The following ZNF17 variants were observed in gnomAD, a reference collection of about 807,000 sequenced individuals.
ZNF17 encodes zinc finger protein 17, also known as zinc finger protein 17 (HPF3, KOX 10).
In ZNF17, 4 loss-of-function variants were observed where a neutral mutation model predicts 7.7. That is an observed-to-expected ratio of 0.52 (90% CI 0.26 to 1.20). The LOEUF is 1.20. Ranked by LOEUF, ZNF17 falls within the 50% of genes most tolerant of loss-of-function variation. The probability of loss-of-function intolerance (pLI) is 0.14; values close to 1 mark genes in which losing one functional copy is unlikely to be tolerated. For synonymous variants in ZNF17, 249 were observed against 258.8 expected, an observed-to-expected ratio of 0.96 and a Z score of 0.36; for missense variants, 738 against 799.5, an observed-to-expected ratio of 0.92 and a Z score of 0.93.
At chr19:57,416,761 G>A (rs764476338) in intron 2 of ZNF17, among the ~76,000 whole-genome samples, 39 of 152,146 alleles carry the variant, frequency 2.6e-4, no homozygotes, top group Admixed American at 6.5e-4. Flanking sequence ...ACCTGCCTCA[G>A]CCTCCCAAAG....
intron 3 of ZNF17, among the ~76,000 whole-genome samples, chr19:57,418,307 G>A (rs1448265918): frequency 6.6e-6 from 1 of 152,108 alleles, no homozygotes; most frequent in African/African-American, 2.4e-5. Context: ...GCCTGTCCCT[G>A]GTTAGTTTAC....
chr19:57,421,437 C>A lies in ZNF17; in HGVS notation c.1951C>A (p.Gln651Lys), dbSNP rs1344212107. 1 of 1,612,292 alleles carries A rather than the reference C, an allele frequency of 6.2e-7. No homozygotes were observed. The highest frequency in any genetic ancestry group is 8.5e-7 in the Non-Finnish European group (1 of 1,179,192). Reference sequence around the variant, plus strand: ...CAGTGAATGTGGAAGAGTCTTTAACCAAAATTCTCATCTCATTCAGCACCA... The same window carrying A: ...CAGTGAATGTGGAAGAGTCTTTAACAAAAATTCTCATCTCATTCAGCACCA... ...QCSECGRVFN[Q>K]NSHLIQHQKV... The change falls in exon 4 of 4, where the codon CAA becomes AAA. Residue 651 changes from glutamine (Q) to lysine (K), a missense_variant. Gln to Lys is a moderately conservative substitution (Grantham distance 53). Around this residue, in one of 3 missense-constraint regions of ZNF17, gnomAD observed 116 missense variants for 114.0 expected, o/e 1.02. Coordinates refer to ENST00000307658, the MANE Select transcript of ZNF17 (RefSeq NM_001330617.2).
chr19:57,418,567 C>T (rs753751895), intron 3 of ZNF17, among the ~76,000 whole-genome samples: 5 of 152,164 alleles, frequency 3.3e-5, no homozygotes, highest in Non-Finnish European at 5.9e-5. Context: ...GCTTGGCTAA[C>T]GCCACACCTA....
In ZNF17 at chr19:57,421,110, A is replaced by T. The variant is rs769843295; in HGVS notation, c.1624A>T (p.Asn542Tyr). ...ECGKFFRHNSNHIRHRRNHFG... is the reference protein window; with the variant it reads ...ECGKFFRHNSYHIRHRRNHFG... ...TGGGAAATTCTTTAGGCACAACTCA[A>T]ATCATATTAGACATCGGAGAAATCA... The change falls in exon 4 of 4, where the codon AAT (asparagine) becomes TAT (tyrosine). Residue 542 changes from asparagine to tyrosine, a missense_variant. By Grantham distance (143) the Asn-to-Tyr change is moderately radical. This residue lies in a region of ZNF17 where 616 missense variants were observed against 663.9 expected (regional missense o/e 0.93). Coordinates refer to ENST00000307658, the MANE Select transcript of ZNF17 (RefSeq NM_001330617.2). The T allele has an allele frequency of 6.2e-7, 1 of 1,614,012 alleles. No homozygotes were observed. The highest frequency in any genetic ancestry group is 8.5e-7 in the Non-Finnish European group (1 of 1,179,834).
In ZNF17 at chr19:57,421,464, A is replaced by G. The variant is rs1197125114; in HGVS notation, c.1978A>G (p.Lys660Glu). The change falls in exon 4 of 4, where the codon AAA becomes GAA. Residue 660 changes from lysine (K) to glutamate (E), a missense_variant. Physicochemically the swap from Lys to Glu is moderately conservative, Grantham distance 56. Around this residue, in one of 3 missense-constraint regions of ZNF17, gnomAD observed 116 missense variants for 114.0 expected, o/e 1.02. Coordinates refer to ENST00000307658, the MANE Select transcript of ZNF17 (RefSeq NM_001330617.2). ...AAATTCTCATCTCATTCAGCACCAG[A>G]AAGTTCACACCAGATAAAGAATGTA... ...NQNSHLIQHQ[K>E]VHTR 5 of 1,608,156 alleles carry G rather than the reference A, an allele frequency of 3.1e-6. No homozygotes were observed. The Admixed American group carries it at 6.7e-5, about 22-fold the overall frequency.
At chr19:57,418,223 C>T (rs532134223) in intron 3 of ZNF17, among the ~76,000 whole-genome samples, 185 bp downstream of exon 3, 3 of 152,130 alleles carry the variant, frequency 2.0e-5, no homozygotes, top group Non-Finnish European at 4.4e-5. Context: ...AAGCTTAGCT[C>T]TTGTCACTCT....
intron 1 of ZNF17, among the ~76,000 whole-genome samples, chr19:57,411,881 C>T (rs1362545807): frequency 2.0e-5 from 3 of 152,076 alleles, no homozygotes; most frequent in Admixed American, 6.6e-5. Flanking sequence ...GAGATAGAGT[C>T]GACAGGATTT....
chr19:57,413,297 C>T (rs1373483403), intron 1 of ZNF17: 1 of 332,482 alleles, frequency 3.0e-6, no homozygotes, highest in Non-Finnish European at 5.5e-6. Flanking sequence ...TCATTTGTAC[C>T]GAAAACATGT....
intron 1 of ZNF17, 74 bp from the exon 2 acceptor site, chr19:57,413,522 A>C: frequency 6.7e-7 from 1 of 1,499,040 alleles, no homozygotes; most frequent in Non-Finnish European, 9.0e-7. Context: ...TTGCAGGGCC[A>C]GAGGTGGTTG....
Position 57,419,653 on chromosome 19 carries a change from A to G in ZNF17, c.167A>G (p.Lys56Arg), listed in dbSNP as rs1402191719. 6.2e-6 allele frequency: 10 copies of G among 1,612,614 alleles called. No individual in the cohort carries two copies. Among genetic ancestry groups the G allele is most frequent in the Non-Finnish European group, 8.5e-6 (10 of 1,178,866 alleles). Reference sequence around the variant, plus strand: ...GTTTTAGGTTGTTGGCATGGAGCCAAGGATGAGGAGGCACCTTCCAAGCAA... The same window carrying G: ...GTTTTAGGTTGTTGGCATGGAGCCAGGGATGAGGAGGCACCTTCCAAGCAA... ...LSSVGCWHGA[K>R]DEEAPSKQCV... Residue 56 changes from lysine (K) to arginine (R), a missense_variant, in exon 4 of 4, where the codon AAG becomes AGG. Transcript: ENST00000307658.
chr19:57,414,341 T>G (rs574744147), intron 2 of ZNF17, among the ~76,000 whole-genome samples: 1 of 151,186 alleles, frequency 6.6e-6, no homozygotes, highest in Non-Finnish European at 1.5e-5. Flanking sequence ...GCCTTGTTTT[T>G]TTTTTTTTTT....
At position 57,418,054 on chromosome 19, in the gene ZNF17, C is replaced by T; in HGVS notation, c.148+16C>T. The T allele has an allele frequency of 6.2e-7, 1 of 1,608,788 alleles. No homozygotes were observed. Among genetic ancestry groups the T allele is most frequent in the Non-Finnish European group, 8.5e-7 (1 of 1,176,978 alleles). ...TCCTCAGTAGGTAAGGCCCTGACAC[C>T]TACGTCAGTGTCTTGTGCTGGGCAA... On this transcript the variant is annotated intron_variant, in intron 3 of 3. Transcript: ENST00000307658.
intron 2 of ZNF17, among the ~76,000 whole-genome samples, chr19:57,416,447 G>A (rs1048387946): frequency 1.4e-4 from 22 of 152,118 alleles, no homozygotes; most frequent in African/African-American, 5.1e-4. Flanking sequence ...GGCAAGATCT[G>A]GGTGACTCTA....
intron 2 of ZNF17, among the ~76,000 whole-genome samples, chr19:57,414,361 G>A (rs981626411): frequency 6.7e-6 from 1 of 149,824 alleles, no homozygotes; most frequent in Admixed American, 6.7e-5. Context: ...TCCAGACAGA[G>A]GCTAACTCTG....
chr19:57,413,377 A>G (rs2088790890), intron 1 of ZNF17: 1 of 552,136 alleles, frequency 1.8e-6, no homozygotes, highest in Admixed American at 3.0e-5. Context: ...TGATGCCCAT[A>G]TAAGCCCTAT....
At position 57,417,951 on chromosome 19, in the gene ZNF17, CAGG is replaced by C. The variant is rs749131322; in HGVS notation, c.67_69del (p.Glu23del). 1 of 1,614,066 alleles carries C rather than the reference CAGG, an allele frequency of 6.2e-7. No homozygotes were observed. Among genetic ancestry groups the C allele is most frequent in the Non-Finnish European group, 8.5e-7 (1 of 1,180,030 alleles). ...TGAGGACGTGGCCATACATTTCTCC[CAGG>C]AGGAGTGGGGAATTCTTAATGACGT... is the stretch of plus-strand genomic sequence containing the variant. On this transcript the variant is annotated inframe_deletion, in exon 3 of 4. Transcript: ENST00000307658.
chr19:57,419,834 C>G lies in ZNF17; in HGVS notation c.348C>G (p.Tyr116Ter). The G allele has an allele frequency of 6.2e-7, 1 of 1,614,192 alleles. No homozygotes were observed. The highest frequency in any genetic ancestry group is 8.5e-7 in the Non-Finnish European group (1 of 1,180,038). ...GTHPKRTAKL[Y>*]LHQKEHLREK... ...ACCCCAAGCGTACAGCCAAGCTTTA[C>G]CTGCACCAAAAGGAGCATCTTAGAG... is the stretch of plus-strand genomic sequence containing the variant. Residue 116 changes from tyrosine (Y) to a stop codon, truncating the protein, a stop_gained, in exon 4 of 4, where the codon TAC becomes TAG. Coordinates refer to ENST00000307658, the MANE Select transcript of ZNF17 (RefSeq NM_001330617.2). LOFTEE classifies it low-confidence loss of function (END_TRUNC).
At chr19:57,413,397 A>G (rs2088791113) in intron 1 of ZNF17, 199 bp from the exon 2 acceptor site, 2 of 562,924 alleles carry the variant, frequency 3.6e-6, no homozygotes, top group South Asian at 2.4e-5. Flanking sequence ...TTAGTTGGCA[A>G]TCCTTTTAAT....
chr19:57,411,209 C>G lies in ZNF17; in HGVS notation c.-218C>G, dbSNP rs1431692987. On this transcript the variant is annotated 5_prime_UTR_variant, in exon 1 of 4. Coordinates refer to ENST00000307658, the MANE Select transcript of ZNF17 (RefSeq NM_001330617.2). ...TATGGCTGCGTTGGGATCTGTTCAC[C>G]TTCAGGCTGAGTCGAGACTGAGGTG... 1.2e-6 allele frequency: 1 copy of G among 833,526 alleles called. No homozygotes were observed. The highest frequency in any genetic ancestry group is 1.8e-6 in the Non-Finnish European group (1 of 548,304). The allele number at this position is 833,526 out of a possible 1,614,324, so 51.6% of individuals were successfully genotyped here. A position where few individuals can be genotyped will look rare whatever the true frequency, so the allele number is the denominator to read the frequency against.
Sources: gnomAD v4.1 joint callset for allele counts (sites outside exome capture counted in the v4.1 genomes callset) on GRCh38, gnomAD v4.1.1 for gene constraint, gnomAD v4.1.1 regional missense constraint, MANE v1.5 for transcripts, NCBI Gene and HGNC (gene_info 2026-07-23, HGNC 2026-07-21) for gene names.